The following RIN2 variants were observed in gnomAD, a reference collection of about 807,000 sequenced individuals.
RIN2 encodes RAB5 interacting protein 2.
RIN2 carries 36 observed loss-of-function variants against 78.0 expected under a neutral mutation model. The observed-to-expected ratio is 0.46, with a 90% confidence interval of 0.35 to 0.61. The LOEUF (loss-of-function observed/expected upper bound fraction) is 0.61. RIN2 is among the 20% of genes least tolerant of loss of function. The pLI, the probability that RIN2 is intolerant of heterozygous loss-of-function variation, is 0.00. For missense variants in RIN2, 1,087 were observed against 1,159.7 expected (o/e 0.94, Z 0.91); for synonymous variants, 466 against 466.8 (o/e 1.00, Z 0.02).
At chr20:19,841,617 T>A (rs1322729840) in intron 2 of RIN2, among the ~76,000 whole-genome samples, 1 of 152,076 alleles carries the variant, frequency 6.6e-6, no homozygotes. Flanking sequence ...TGTGAGAGCA[T>A]CCCACAGCTG....
intron 1 of RIN2, among the ~76,000 whole-genome samples, chr20:19,770,639 T>C (rs561730173): frequency 6.8e-6 from 1 of 147,416 alleles, no homozygotes; most frequent in Non-Finnish European, 1.5e-5. Context: ...TCTGTCCCTC[T>C]TCCACCTCCT....
At chr20:19,816,746 G>A (rs1166624621) in intron 2 of RIN2, among the ~76,000 whole-genome samples, 2 of 152,160 alleles carry the variant, frequency 1.3e-5, no homozygotes, top group African/African-American at 4.8e-5. Flanking sequence ...CTTAACCTCT[G>A]CATAAAAGAG....
chr20:19,784,802 C>A (rs932095134), intron 1 of RIN2, among the ~76,000 whole-genome samples: 1 of 151,972 alleles, frequency 6.6e-6, no homozygotes, highest in Non-Finnish European at 1.5e-5. Context: ...GATCACATTA[C>A]CCCTGGAAGG....
Position 19,889,608 on chromosome 20 carries a change from G to A in RIN2, c.7G>A (p.Ala3Thr), listed in dbSNP as rs761420311. The A allele has an allele frequency of 3.2e-6, 5 of 1,552,564 alleles. No homozygotes were observed. In the South Asian group the frequency reaches 6.0e-5, roughly 19 times the overall value. Residue 3 changes from alanine to threonine, a missense_variant, in exon 3 of 13, where the codon GCT (alanine) becomes ACT (threonine). This residue lies in a region of RIN2 where 706 missense variants were observed against 667.5 expected (regional missense o/e 1.06). Transcript: ENST00000255006. MT[A>T]WTMGARGLDK... ...TGGAGCCTCGCTGGGGGAAATGACA[G>A]CTTGGACCATGGGCGCCCGCGGTCT... is the stretch of plus-strand genomic sequence containing the variant.
intron 2 of RIN2, among the ~76,000 whole-genome samples, chr20:19,884,897 G>A (rs1046416244): frequency 1.3e-5 from 2 of 152,154 alleles, no homozygotes; most frequent in African/African-American, 2.4e-5. Flanking sequence ...TCTTAGATTC[G>A]GACTTGACCT....
At position 19,869,163 on chromosome 20, in the gene RIN2, G is replaced by A. The variant is rs376850586; in HGVS notation, c.-36-20403G>A. Among the ~76,000 whole-genome samples the A allele has an allele frequency of 2.4e-4, 37 of 151,236 alleles. 2 individuals carry two copies. In the South Asian group the frequency reaches 7.1e-3, roughly 29 times the overall value. ...GACTGAGTGATGTATACAGAAACAC[G>A]CAGGGTGGATGAGTCTGCGCTGGAG... is the stretch of plus-strand genomic sequence containing the variant. On this transcript the variant is annotated intron_variant, in intron 2 of 12. Coordinates refer to ENST00000255006, the MANE Select transcript of RIN2 (RefSeq NM_018993.4).
chr20:19,777,190 A>G (rs2034341045), intron 1 of RIN2, among the ~76,000 whole-genome samples: 1 of 152,186 alleles, frequency 6.6e-6, no homozygotes, highest in African/African-American at 2.4e-5. Context: ...CTGTGTGCTC[A>G]GGGCCAAAGA....
At chr20:19,886,665 T>C (rs2038209369) in intron 2 of RIN2, 1 of 1,305,756 alleles carries the variant, frequency 7.7e-7, no homozygotes, top group East Asian at 2.6e-5. Flanking sequence ...AAACATCTAC[T>C]GGACATGTTG....
chr20:19,924,076 C>T (rs112528007), intron 3 of RIN2, among the ~76,000 whole-genome samples: 1 of 124,234 alleles, frequency 8.0e-6, no homozygotes, highest in African/African-American at 3.0e-5. Context: ...ACTTTCATAC[C>T]CCCACCTTCA....
At chr20:19,876,238 C>G (rs2123403255) in intron 2 of RIN2, among the ~76,000 whole-genome samples, 1 of 152,280 alleles carries the variant, frequency 6.6e-6, no homozygotes, top group Middle Eastern at 3.4e-3. Flanking sequence ...TAAGTAGTTG[C>G]AATCCAGAAA....
chr20:19,929,553 G>T (rs894099607), intron 3 of RIN2, among the ~76,000 whole-genome samples: 5 of 152,060 alleles, frequency 3.3e-5, no homozygotes, highest in African/African-American at 1.2e-4. Flanking sequence ...GTAGAGATGG[G>T]ATTTTATCAT....
intron 4 of RIN2, among the ~76,000 whole-genome samples, chr20:19,951,498 A>G (rs1431605971): frequency 6.6e-6 from 1 of 152,168 alleles, no homozygotes; most frequent in Non-Finnish European, 1.5e-5. Flanking sequence ...GGAGGAGTTA[A>G]CACAGATCAC....
At chr20:19,844,642 CTTCTTCTTCTT>C (rs2036697617) in intron 2 of RIN2, among the ~76,000 whole-genome samples, 1 of 134,100 alleles carries the variant, frequency 7.5e-6, no homozygotes, top group Non-Finnish European at 1.6e-5. Flanking sequence ...TCTTCTTCTT[CTTCTTCTTCTT>C]CTTCTTCTTC....
intron 10 of RIN2, among the ~76,000 whole-genome samples, chr20:19,991,199 T>C (rs6081832): frequency 0.085 from 13,011 of 152,220 alleles, 717 homozygotes; most frequent in Non-Finnish European, 0.12. Flanking sequence ...AGTGAAGAAG[T>C]TAAAATATGA....
At chr20:19,901,939 C>T (rs1283059085) in intron 3 of RIN2, among the ~76,000 whole-genome samples, 1 of 149,962 alleles carries the variant, frequency 6.7e-6, no homozygotes. Flanking sequence ...TCACTCGAAC[C>T]CGGGAGGCGG....
At chr20:19,942,776 G>A (rs949620087) in intron 4 of RIN2, among the ~76,000 whole-genome samples, 4 of 152,120 alleles carry the variant, frequency 2.6e-5, no homozygotes, top group African/African-American at 9.7e-5. Context: ...CAATGTAGTG[G>A]CTAGCTTATC....
Position 19,899,065 on chromosome 20 carries a change from CTTAAT to C in RIN2, c.57+9408_57+9412del, listed in dbSNP as rs1378957935. ...AATCTATTTCCAAGTCTGAGTGTTT[CTTAAT>C]AATTACTGCTGAAATGGCTTATTCC... On this transcript the variant is annotated intron_variant, in intron 3 of 12. Transcript: ENST00000255006. Among the ~76,000 whole-genome samples the C allele has an allele frequency of 2.6e-5, 4 of 152,312 alleles. No individual in the cohort carries two copies. The East Asian group carries it at 7.7e-4, about 29-fold the overall frequency.
At chr20:19,959,296 C>A (rs896049311) in intron 5 of RIN2, among the ~76,000 whole-genome samples, 2 of 151,314 alleles carry the variant, frequency 1.3e-5, no homozygotes, top group African/African-American at 4.9e-5. Flanking sequence ...ACTCCCCAAC[C>A]CCAAGGCTCA....
At chr20:19,935,661 C>A (rs2040609807) in intron 4 of RIN2, 2 of 971,304 alleles carry the variant, frequency 2.1e-6, no homozygotes, top group African/African-American at 1.8e-5. Context: ...AAAAGCCGTG[C>A]AGTGATTGGA....
Sources: gnomAD v4.1 joint callset for allele counts (sites outside exome capture counted in the v4.1 genomes callset) on GRCh38, gnomAD v4.1.1 for gene constraint, gnomAD v4.1.1 regional missense constraint, MANE v1.5 for transcripts, NCBI Gene and HGNC (gene_info 2026-07-23, HGNC 2026-07-21) for gene names.